MBD5: variants seen among roughly 807,000 people sequenced by gnomAD.
The protein encoded by MBD5 is methyl-CpG-binding domain protein 5.
A neutral mutation model predicts 117.3 loss-of-function variants in MBD5; 13 were observed. The observed-to-expected ratio is 0.11, with a 90% CI of 0.07 to 0.18. The LOEUF is 0.18. Among genes scored for constraint, MBD5 ranks in the 10% least tolerant of loss-of-function variants. The probability of loss-of-function intolerance (pLI) is 1.00; values close to 1 mark genes in which losing one functional copy is unlikely to be tolerated. For synonymous variants in MBD5, 727 were observed against 766.4 expected, an observed-to-expected ratio of 0.95 and a Z score of 0.85; for missense variants, 1,879 against 2,093.8, an observed-to-expected ratio of 0.90 and a Z score of 2.00.
At chr2:148,427,983 A>T (rs1295456255) in intron 4 of MBD5, among the ~76,000 whole-genome samples, 1 of 152,166 alleles carries the variant, frequency 6.6e-6, no homozygotes, top group South Asian at 2.1e-4. Flanking sequence ...TAGTATTGGA[A>T]GTGTTGGCCA....
intron 4 of MBD5, among the ~76,000 whole-genome samples, chr2:148,406,452 A>G (rs534950926): frequency 6.6e-6 from 1 of 152,336 alleles, no homozygotes; most frequent in African/African-American, 2.4e-5. Context: ...GTCAGCTTTT[A>G]TCACAAAGAC....
intron 1 of MBD5, among the ~76,000 whole-genome samples, chr2:148,147,544 A>T (rs1045987882): frequency 1.2e-4 from 19 of 152,106 alleles, no homozygotes; most frequent in African/African-American, 4.1e-4. Flanking sequence ...CCAGCCCCAA[A>T]CTGAACATTT....
intron 1 of MBD5, among the ~76,000 whole-genome samples, chr2:148,029,900 T>C (rs1693992332): frequency 6.6e-6 from 1 of 152,180 alleles, no homozygotes; most frequent in Non-Finnish European, 1.5e-5. Flanking sequence ...AAAATCATAT[T>C]AAATCTAATG....
chr2:148,303,640 G>T (rs989651040), intron 3 of MBD5, among the ~76,000 whole-genome samples: 1 of 152,110 alleles, frequency 6.6e-6, no homozygotes, highest in Admixed American at 6.5e-5. Context: ...GGAAATATTA[G>T]GTTTAACAAT....
At chr2:148,312,515 CTT>C (rs1243006280) in intron 3 of MBD5, among the ~76,000 whole-genome samples, 1 of 152,108 alleles carries the variant, frequency 6.6e-6, no homozygotes, top group Non-Finnish European at 1.5e-5. Flanking sequence ...CATTAGTGTT[CTT>C]CTCTAAACTG....
At chr2:148,372,373 C>T (rs1703878169) in intron 4 of MBD5, among the ~76,000 whole-genome samples, 1 of 151,884 alleles carries the variant, frequency 6.6e-6, no homozygotes, top group Non-Finnish European at 1.5e-5. Flanking sequence ...GATTGTTGGG[C>T]TCTTTATTGT....
intron 4 of MBD5, among the ~76,000 whole-genome samples, chr2:148,413,233 A>G (rs1705317669): frequency 6.6e-6 from 1 of 152,054 alleles, no homozygotes; most frequent in African/African-American, 2.4e-5. Flanking sequence ...TGTGAATTTT[A>G]TTTTTAGTTC....
At chr2:148,422,619 G>A (rs1201926378) in intron 4 of MBD5, among the ~76,000 whole-genome samples, 7 of 152,136 alleles carry the variant, frequency 4.6e-5, no homozygotes, top group Non-Finnish European at 7.4e-5. Flanking sequence ...CAGAAGGTGT[G>A]TAATAACAAA....
intron 3 of MBD5, among the ~76,000 whole-genome samples, chr2:148,295,300 A>T (rs1701622612): frequency 6.6e-6 from 1 of 152,028 alleles, no homozygotes; most frequent in African/African-American, 2.4e-5. Context: ...CTGATTCTTT[A>T]TTCTGCCAAC....
chr2:148,063,024 TG>T (rs1284240645), intron 1 of MBD5, among the ~76,000 whole-genome samples: 1 of 152,182 alleles, frequency 6.6e-6, no homozygotes, highest in African/African-American at 2.4e-5. Context: ...TGACCCAGTT[TG>T]TTAAACAGTT....
chr2:148,235,719 A>G (rs1031100365), intron 3 of MBD5, among the ~76,000 whole-genome samples: 1 of 151,718 alleles, frequency 6.6e-6, no homozygotes, highest in African/African-American at 2.4e-5. Context: ...ACTGTAATCT[A>G]TTCAGTGTGT....
chr2:148,337,914 G>T (rs1702840432), intron 3 of MBD5, among the ~76,000 whole-genome samples: 2 of 152,158 alleles, frequency 1.3e-5, no homozygotes, highest in African/African-American at 4.8e-5. Flanking sequence ...AATTAGAAGG[G>T]AAATACTTCA....
At chr2:148,415,702 G>A (rs376391236) in intron 4 of MBD5, among the ~76,000 whole-genome samples, 6 of 151,768 alleles carry the variant, frequency 4.0e-5, no homozygotes, top group Admixed American at 6.6e-5. Flanking sequence ...GAGTTATTTC[G>A]CAGAACCAGT....
chr2:148,240,765 T>C (rs1700200757), intron 3 of MBD5, among the ~76,000 whole-genome samples: 1 of 152,232 alleles, frequency 6.6e-6, no homozygotes, highest in African/African-American at 2.4e-5. Context: ...GTTCACTGGC[T>C]GGTTTCTCTG....
At chr2:148,480,464 A>G (rs959382138) in intron 8 of MBD5, among the ~76,000 whole-genome samples, 8 of 152,150 alleles carry the variant, frequency 5.3e-5, no homozygotes, top group Non-Finnish European at 8.8e-5. Context: ...TGTGATCTCT[A>G]CATCTAAATA....
chr2:148,434,050 A>G (rs1018200419), intron 4 of MBD5, among the ~76,000 whole-genome samples: 1 of 151,512 alleles, frequency 6.6e-6, no homozygotes, highest in Admixed American at 6.6e-5. Context: ...GCTTTTTATT[A>G]CTGATTCAAT....
chr2:148,330,088 T>TACACAC (rs377202803), intron 3 of MBD5, among the ~76,000 whole-genome samples: 1,539 of 40,396 alleles, frequency 0.038, 49 homozygotes, highest in Non-Finnish European at 0.057. Context: ...CCTCCTGCCA[T>TACACAC]ACACACACAC....
intron 5 of MBD5, 147 bp downstream of exon 5, chr2:148,459,018 G>T (rs1362969447): frequency 7.0e-6 from 5 of 710,860 alleles, no homozygotes; most frequent in Non-Finnish European, 1.3e-5. Flanking sequence ...TATTGCCTTA[G>T]ATTTCCAGAG....
At chr2:148,393,723 G>C (rs1245635303) in intron 4 of MBD5, among the ~76,000 whole-genome samples, 1 of 152,116 alleles carries the variant, frequency 6.6e-6, no homozygotes, top group Non-Finnish European at 1.5e-5. Context: ...TCCTGGTTTT[G>C]AATTTGAGTT....
Sources: allele counts gnomAD v4.1 joint callset (sites outside exome capture counted in the v4.1 genomes callset), GRCh38; gene constraint gnomAD v4.1.1; transcripts MANE v1.5; gene names NCBI Gene and HGNC (gene_info 2026-07-23, HGNC 2026-07-21).